PCDHA13: variants seen among roughly 807,000 people sequenced by gnomAD.
The protein encoded by PCDHA13 is protocadherin alpha 13, also known as protocadherin alpha-13.
In PCDHA13, 54 loss-of-function variants were observed where a neutral mutation model predicts 64.8. The ratio of observed to expected loss-of-function variants is 0.83; its 90% CI spans 0.67 to 1.04. The LOEUF (loss-of-function observed/expected upper bound fraction) is 1.04, where lower values mean the gene tolerates loss of function less well. PCDHA13 is among the 50% of genes least tolerant of loss of function. PCDHA13 has a pLI of 0.00. For synonymous variants in PCDHA13, 587 were observed against 564.4 expected, an observed-to-expected ratio of 1.04 and a Z score of -0.57; for missense variants, 1,248 against 1,254.3, an observed-to-expected ratio of 0.99 and a Z score of 0.08.
intron 1 of PCDHA13, among the ~76,000 whole-genome samples, chr5:140,918,556 G>A (rs1584104800): frequency 2.0e-5 from 3 of 152,302 alleles, no homozygotes; most frequent in Non-Finnish European, 4.4e-5. Context: ...CAATTGAGAA[G>A]AATGTATATT....
chr5:140,886,603 G>A lies in PCDHA13; in HGVS notation c.2394+1941G>A, dbSNP rs781862855. Among the ~76,000 whole-genome samples, 8 of 152,090 alleles carry A rather than the reference G, an allele frequency of 5.3e-5. No individual in the cohort carries two copies. The East Asian group carries it at 1.2e-3, about 22-fold the overall frequency. ...AGCACTTTGGGAGGCCAAGGTGGGCGGATCAGGAGATCAGGAGTCCGAGAC... is the reference window on the plus strand; with the variant it reads ...AGCACTTTGGGAGGCCAAGGTGGGCAGATCAGGAGATCAGGAGTCCGAGAC... On this transcript the variant is annotated intron_variant, in intron 1 of 3. Coordinates refer to ENST00000289272, the MANE Select transcript of PCDHA13 (RefSeq NM_018904.3).
chr5:140,914,073 C>G (rs1314205032), intron 1 of PCDHA13, among the ~76,000 whole-genome samples: 1 of 152,122 alleles, frequency 6.6e-6, no homozygotes, highest in Non-Finnish European at 1.5e-5. Flanking sequence ...TGCTCCATAA[C>G]TATCTATTAG....
intron 3 of PCDHA13, among the ~76,000 whole-genome samples, chr5:140,992,147 G>A (rs1304729438): frequency 2.0e-5 from 3 of 151,714 alleles, no homozygotes; most frequent in Non-Finnish European, 4.4e-5. Context: ...TGCTAACTTT[G>A]CTCAATCAAG....
intron 1 of PCDHA13, among the ~76,000 whole-genome samples, chr5:140,937,096 G>A (rs1173485186): frequency 6.8e-6 from 1 of 146,810 alleles, no homozygotes; most frequent in Non-Finnish European, 1.5e-5. Context: ...GGAGTGCAGT[G>A]GCGCAGTCTC....
chr5:140,900,817 A>G (rs2068314504), intron 1 of PCDHA13, among the ~76,000 whole-genome samples: 1 of 152,154 alleles, frequency 6.6e-6, no homozygotes, highest in Non-Finnish European at 1.5e-5. Context: ...ACTAATTTAC[A>G]TTCCCACCAA....
intron 1 of PCDHA13, among the ~76,000 whole-genome samples, chr5:140,902,390 A>G (rs1051277099): frequency 2.6e-5 from 4 of 151,960 alleles, no homozygotes; most frequent in Admixed American, 1.3e-4. Flanking sequence ...TAAGAGTACT[A>G]TGTTGAATAC....
intron 1 of PCDHA13, among the ~76,000 whole-genome samples, chr5:140,900,046 G>A (rs896570608): frequency 2.4e-4 from 36 of 152,294 alleles, no homozygotes; most frequent in Admixed American, 1.6e-3. Context: ...CTGGGCTCAA[G>A]TGATCCTTTA....
intron 1 of PCDHA13, among the ~76,000 whole-genome samples, chr5:140,895,524 G>A (rs891938988): frequency 2.3e-4 from 35 of 152,128 alleles, no homozygotes; most frequent in African/African-American, 7.2e-4. Context: ...TGGTTTATTC[G>A]TTTTTCAATT....
intron 1 of PCDHA13, among the ~76,000 whole-genome samples, chr5:140,920,671 C>T (rs1218067284): frequency 2.0e-5 from 3 of 151,960 alleles, no homozygotes; most frequent in African/African-American, 7.3e-5. Flanking sequence ...TGGTGAAACC[C>T]CATCTCTACT....
chr5:140,891,281 G>A (rs1554184772), intron 1 of PCDHA13, among the ~76,000 whole-genome samples: 2 of 151,886 alleles, frequency 1.3e-5, no homozygotes, highest in African/African-American at 4.8e-5. Context: ...GTAAGTTATT[G>A]GGGGTACAGG....
chr5:140,988,021 T>C (rs2097278466), intron 3 of PCDHA13, among the ~76,000 whole-genome samples: 1 of 152,216 alleles, frequency 6.6e-6, no homozygotes. Context: ...AGCATGATTC[T>C]TAAGTTTTTT....
intron 1 of PCDHA13, among the ~76,000 whole-genome samples, chr5:140,971,368 G>A (rs1433220574): frequency 1.3e-5 from 2 of 152,186 alleles, no homozygotes; most frequent in Non-Finnish European, 2.9e-5. Context: ...TGCCAGGAGA[G>A]TGCATGACTT....
intron 1 of PCDHA13, among the ~76,000 whole-genome samples, chr5:140,973,341 C>T (rs1323571061): frequency 6.6e-6 from 1 of 152,124 alleles, no homozygotes; most frequent in African/African-American, 2.4e-5. Flanking sequence ...TGTAAAGTGA[C>T]ATAGTAGTGA....
chr5:140,966,470 T>C, intron 1 of PCDHA13: 1 of 431,298 alleles, frequency 2.3e-6, no homozygotes, highest in Non-Finnish European at 4.0e-6. Context: ...TCTTCCCTTC[T>C]GTTTCCTTTT....
intron 1 of PCDHA13, chr5:140,966,785 A>G: frequency 6.6e-7 from 1 of 1,522,872 alleles, no homozygotes. Flanking sequence ...GGCGGGCACC[A>G]GACCTGCGGC....
intron 3 of PCDHA13, among the ~76,000 whole-genome samples, chr5:140,996,588 G>A (rs1031631617): frequency 3.2e-4 from 49 of 152,082 alleles, no homozygotes; most frequent in Admixed American, 2.0e-3. Flanking sequence ...AACAAGGGCC[G>A]CCTCCCCCCA....
chr5:140,985,859 C>T (rs2153837183), intron 3 of PCDHA13, among the ~76,000 whole-genome samples: 1 of 151,736 alleles, frequency 6.6e-6, no homozygotes, highest in African/African-American at 2.4e-5. Context: ...CCTGCCTCAG[C>T]CTCCTGAGTA....
intron 1 of PCDHA13, among the ~76,000 whole-genome samples, chr5:140,917,939 G>A (rs1408047210): frequency 6.6e-6 from 1 of 151,830 alleles, no homozygotes; most frequent in African/African-American, 2.4e-5. Context: ...AAATAATATT[G>A]GTAGTTTGAT....
chr5:140,966,753 C>G, intron 1 of PCDHA13: 3 of 1,433,176 alleles, frequency 2.1e-6, no homozygotes, highest in South Asian at 1.5e-5. Flanking sequence ...CTGCCTCCGC[C>G]GCGGCCAGTG....
Sources: gnomAD v4.1 joint callset for allele counts (sites outside exome capture counted in the v4.1 genomes callset) on GRCh38, gnomAD v4.1.1 for gene constraint, MANE v1.5 for transcripts, NCBI Gene and HGNC (gene_info 2026-07-23, HGNC 2026-07-21) for gene names.